The following IGF1 variants were observed in gnomAD, a reference collection of about 807,000 sequenced individuals.
IGF1 encodes insulin like growth factor 1.
In IGF1, 4 loss-of-function variants were observed where a neutral mutation model predicts 13.8. The ratio of observed to expected loss-of-function variants is 0.29; its 90% CI spans 0.14 to 0.66. The LOEUF is 0.66. Among genes scored for constraint, IGF1 ranks in the 30% least tolerant of loss-of-function variants. IGF1 has a pLI of 0.78. For synonymous variants in IGF1, 76 were observed against 72.6 expected (o/e 1.05, Z -0.23); for missense variants, 124 against 188.5 (o/e 0.66, Z 2.00).
At chr12:102,480,727 T>C, upstream of IGF1, 1 of 551,084 alleles carries the variant, frequency 1.8e-6, no homozygotes, top group Non-Finnish European at 2.8e-6. Flanking sequence ...CCTTTGCATT[T>C]TAAAACTAGA....
intron 2 of IGF1, among the ~76,000 whole-genome samples, chr12:102,475,423 A>G (rs556285283): frequency 6.6e-6 from 1 of 152,226 alleles, no homozygotes; most frequent in East Asian, 1.9e-4. Context: ...AAGTAGTTAA[A>G]GACGAATTGT....
intron 2 of IGF1, among the ~76,000 whole-genome samples, chr12:102,443,027 C>A (rs1018194641): frequency 2.6e-5 from 4 of 152,034 alleles, no homozygotes; most frequent in African/African-American, 9.7e-5. Flanking sequence ...GGACTGGCAT[C>A]TAGATCTGGC....
At chr12:102,463,022 A>G (rs1030527512) in intron 2 of IGF1, 1 of 152,224 alleles carries the variant, frequency 6.6e-6, no homozygotes, top group Non-Finnish European at 1.5e-5. Flanking sequence ...TGAGCCAACA[A>G]TAGTCTTACC....
At position 102,441,918 on chromosome 12, in the gene IGF1, T is replaced by TCTC. The variant is rs1877803849; in HGVS notation, c.221-22229_221-22228insGAG. Reference sequence around the variant, plus strand: ...ATTCTATTACACTGCTTCTTCTCCTTCTTCTTCTTCTTCTTCTTCTTCTTC... The same window carrying TCTC: ...ATTCTATTACACTGCTTCTTCTCCTTCTCCTTCTTCTTCTTCTTCTTCTTCTTC... On this transcript the variant is annotated intron_variant, in intron 2 of 3. Transcript: ENST00000337514. Among the ~76,000 whole-genome samples, 3 of 83,064 alleles carry TCTC rather than the reference T, an allele frequency of 3.6e-5. No individual in the cohort carries two copies. In the Admixed American group the frequency reaches 4.0e-4, roughly 11 times the overall value. The allele number at this position is 83,064 out of a possible 152,430, so 54.5% of individuals were successfully genotyped here.
At chr12:102,457,748 A>C (rs1879537064) in intron 2 of IGF1, among the ~76,000 whole-genome samples, 1 of 152,390 alleles carries the variant, frequency 6.6e-6, no homozygotes, top group East Asian at 1.9e-4. Context: ...TGTTATTTTT[A>C]TACATTATTA....
At chr12:102,410,044 C>A (rs1194642293) in intron 3 of IGF1, among the ~76,000 whole-genome samples, 1 of 152,012 alleles carries the variant, frequency 6.6e-6, no homozygotes, top group African/African-American at 2.4e-5. Context: ...TGGGGCATCC[C>A]TAGGAATCCC....
At chr12:102,431,623 C>T (rs910675478) in intron 2 of IGF1, among the ~76,000 whole-genome samples, 3 of 152,198 alleles carry the variant, frequency 2.0e-5, no homozygotes, top group South Asian at 4.1e-4. Flanking sequence ...TCACCTTACT[C>T]GGGAACACCT....
At chr12:102,473,943 G>A (rs771819746) in intron 2 of IGF1, among the ~76,000 whole-genome samples, 8 of 152,040 alleles carry the variant, frequency 5.3e-5, no homozygotes, top group Non-Finnish European at 7.4e-5. Context: ...GAGCAATGTC[G>A]TGTTGAACAT....
intron 2 of IGF1, among the ~76,000 whole-genome samples, chr12:102,453,365 T>C (rs967508761): frequency 6.6e-6 from 1 of 152,176 alleles, no homozygotes; most frequent in African/African-American, 2.4e-5. Context: ...AGAGGTATGG[T>C]AGGATTAGGA....
chr12:102,446,850 G>A (rs1592793404), intron 2 of IGF1, among the ~76,000 whole-genome samples: 1 of 152,150 alleles, frequency 6.6e-6, no homozygotes, highest in Non-Finnish European at 1.5e-5. Context: ...ACTTTCTCCT[G>A]TGGGCATTTA....
intron 1 of IGF1, among the ~76,000 whole-genome samples, chr12:102,480,063 G>A (rs987338168): frequency 8.5e-5 from 13 of 152,070 alleles, no homozygotes; most frequent in African/African-American, 2.9e-4. Context: ...ATGACACCAC[G>A]GAAGCCCTGC....
intron 2 of IGF1, among the ~76,000 whole-genome samples, chr12:102,468,327 C>G (rs1566004710): frequency 6.6e-6 from 1 of 152,166 alleles, no homozygotes; most frequent in African/African-American, 2.4e-5. Context: ...ATGCAGAGGG[C>G]CACATGCAAA....
chr12:102,447,631 G>A (rs1473625787), intron 2 of IGF1, among the ~76,000 whole-genome samples: 2 of 152,106 alleles, frequency 1.3e-5, no homozygotes, highest in Admixed American at 1.3e-4. Context: ...TGTGAGATGA[G>A]TGTCCTGAAT....
intron 2 of IGF1, among the ~76,000 whole-genome samples, chr12:102,450,746 T>C (rs2137146360): frequency 1.3e-5 from 2 of 152,364 alleles, no homozygotes; most frequent in Middle Eastern, 6.8e-3. Flanking sequence ...TACAATAATA[T>C]ACTTCCATCT....
At chr12:102,427,041 C>T (rs896267963) in intron 2 of IGF1, among the ~76,000 whole-genome samples, 1 of 152,206 alleles carries the variant, frequency 6.6e-6, no homozygotes, top group African/African-American at 2.4e-5. Flanking sequence ...CCCTCTCCTG[C>T]CAGCCATGCT....
At chr12:102,481,316 CTGT>C (rs1881378434), upstream of IGF1, among the ~76,000 whole-genome samples, 1 of 151,096 alleles carries the variant, frequency 6.6e-6, no homozygotes, top group Admixed American at 6.6e-5. Context: ...AACAATTTTC[CTGT>C]TGTTTGAATT....
At chr12:102,409,735 G>A (rs1874472462) in intron 3 of IGF1, among the ~76,000 whole-genome samples, 1 of 152,112 alleles carries the variant, frequency 6.6e-6, no homozygotes, top group South Asian at 2.1e-4. Context: ...GCCATACTCA[G>A]CCTGAGTTTT....
intron 3 of IGF1, among the ~76,000 whole-genome samples, chr12:102,405,010 GC>G (rs1283492757): frequency 2.0e-5 from 3 of 151,946 alleles, no homozygotes; most frequent in African/African-American, 7.2e-5. Context: ...ACCCGCCTTG[GC>G]CTCCCAAAGT....
chr12:102,438,911 T>C (rs1016345296), intron 2 of IGF1, among the ~76,000 whole-genome samples: 2 of 152,200 alleles, frequency 1.3e-5, no homozygotes, highest in Non-Finnish European at 2.9e-5. Flanking sequence ...ATCCTATTAT[T>C]TCTTTCAAAA....
Sources: allele counts gnomAD v4.1 joint callset (sites outside exome capture counted in the v4.1 genomes callset), GRCh38; gene constraint gnomAD v4.1.1; transcripts MANE v1.5; gene names NCBI Gene and HGNC (gene_info 2026-07-23, HGNC 2026-07-21).